Variants in DGKB observed in about 807,000 individuals in gnomAD.
The protein encoded by DGKB is 90 kDa diacylglycerol kinase.
DGKB carries 67 observed loss-of-function variants against 114.3 expected under a neutral mutation model. That is an observed-to-expected ratio of 0.59 (90% CI 0.48 to 0.72). The LOEUF is 0.72. Among genes scored for constraint, DGKB ranks in the 30% least tolerant of loss-of-function variants. The pLI is 0.00. For synonymous variants in DGKB, 398 were observed against 323.1 expected (o/e 1.23, Z -2.49); for missense variants, 907 against 975.2 (o/e 0.93, Z 0.93).
At chr7:14,215,141 G>T (rs535114358) in intron 23 of DGKB, among the ~76,000 whole-genome samples, 10 of 152,300 alleles carry the variant, frequency 6.6e-5, no homozygotes, top group African/African-American at 2.4e-4. Context: ...CTTGAGAAAA[G>T]CATGGACTCT....
chr7:14,958,024 G>GTA (rs1239339287), intron 1 of DGKB, among the ~76,000 whole-genome samples: 1 of 152,002 alleles, frequency 6.6e-6, no homozygotes, highest in East Asian at 1.9e-4. Context: ...TCAGTTTAGG[G>GTA]TAGAATCTGT....
chr7:14,605,976 A>T (rs1804429318), intron 17 of DGKB, among the ~76,000 whole-genome samples: 1 of 152,154 alleles, frequency 6.6e-6, no homozygotes, highest in Admixed American at 6.6e-5. Context: ...TAAGGCTTGT[A>T]ATTAGCAGAG....
chr7:14,166,066 A>T (rs1784567661), intron 25 of DGKB, among the ~76,000 whole-genome samples: 1 of 152,178 alleles, frequency 6.6e-6, no homozygotes, highest in Admixed American at 6.5e-5. Flanking sequence ...TTGGACATTC[A>T]CCTAACCTCA....
chr7:14,543,005 C>A (rs1400654903), intron 20 of DGKB, among the ~76,000 whole-genome samples: 1 of 152,128 alleles, frequency 6.6e-6, no homozygotes, highest in Non-Finnish European at 1.5e-5. Flanking sequence ...AGTGTGTGAG[C>A]TAGTGTTACA....
chr7:14,863,667 T>C (rs905980559), intron 1 of DGKB, among the ~76,000 whole-genome samples: 9 of 152,272 alleles, frequency 5.9e-5, no homozygotes, highest in African/African-American at 1.9e-4. Flanking sequence ...TGGGATATGA[T>C]GAAATGTTTT....
At position 14,682,537 on chromosome 7, in the gene DGKB, T is replaced by C; in HGVS notation, c.1035+16A>G. The C allele has an allele frequency of 6.4e-7, 1 of 1,571,850 alleles. No individual in the cohort carries two copies. Among genetic ancestry groups the C allele is most frequent in the Non-Finnish European group, 8.8e-7 (1 of 1,142,402 alleles). On this transcript the variant is annotated intron_variant, in intron 12 of 25. Coordinates refer to ENST00000402815, the MANE Select transcript of DGKB (RefSeq NM_001350709.2). ...TGTGGGTGAATGCTGGGATTTGTTT[T>C]CCAATTTTTACTCACTGTGATCTGA...
intron 20 of DGKB, among the ~76,000 whole-genome samples, chr7:14,553,239 T>C (rs1355531215): frequency 5.9e-5 from 9 of 152,370 alleles, no homozygotes; most frequent in Non-Finnish European, 7.3e-5. Flanking sequence ...CTTTCCTTTA[T>C]AGTACCCTGT....
chr7:14,158,940 AT>A (rs1049451686), intron 25 of DGKB, among the ~76,000 whole-genome samples: 1 of 151,952 alleles, frequency 6.6e-6, no homozygotes, highest in African/African-American at 2.4e-5. Context: ...ATATCTTGAA[AT>A]TTTTTTCCTT....
chr7:14,906,700 G>T (rs1375119705), upstream of DGKB, among the ~76,000 whole-genome samples: 1 of 151,890 alleles, frequency 6.6e-6, no homozygotes, highest in Non-Finnish European at 1.5e-5. Flanking sequence ...ATCCACCCAC[G>T]TTGGCCTCCC....
chr7:14,404,831 C>T (rs1823684856), intron 21 of DGKB, among the ~76,000 whole-genome samples: 1 of 151,762 alleles, frequency 6.6e-6, no homozygotes, highest in South Asian at 2.1e-4. Flanking sequence ...TTTTCCTTGT[C>T]TTTCGTTGGC....
At chr7:14,643,882 A>T (rs1273460140) in intron 13 of DGKB, among the ~76,000 whole-genome samples, 1 of 152,112 alleles carries the variant, frequency 6.6e-6, no homozygotes, top group African/African-American at 2.4e-5. Flanking sequence ...CAAGCCCAAA[A>T]AACTGACCTC....
intron 1 of DGKB, among the ~76,000 whole-genome samples, chr7:14,922,813 GC>G (rs1289421634): frequency 7.9e-5 from 12 of 152,122 alleles, no homozygotes; most frequent in African/African-American, 2.6e-4. Context: ...ATTGAGTCAA[GC>G]TAAACACCAT....
chr7:14,348,595 A>T (rs1372942459), intron 21 of DGKB, among the ~76,000 whole-genome samples: 1 of 152,000 alleles, frequency 6.6e-6, no homozygotes, highest in African/African-American at 2.4e-5. Context: ...AATGACTAAA[A>T]TTAAAAAAAG....
At chr7:14,736,976 T>C (rs944571603) in intron 4 of DGKB, among the ~76,000 whole-genome samples, 6 of 152,160 alleles carry the variant, frequency 3.9e-5, no homozygotes, top group Admixed American at 3.9e-4. Flanking sequence ...GCACCAGGAT[T>C]TGACTCTGCC....
At chr7:14,803,869 C>T (rs1351965590) in intron 2 of DGKB, among the ~76,000 whole-genome samples, 2 of 152,040 alleles carry the variant, frequency 1.3e-5, no homozygotes, top group East Asian at 3.9e-4. Flanking sequence ...TAACGTAGCT[C>T]AATATCTTTA....
At chr7:14,447,801 C>T (rs1210391974) in intron 21 of DGKB, among the ~76,000 whole-genome samples, 1 of 152,054 alleles carries the variant, frequency 6.6e-6, no homozygotes, top group African/African-American at 2.4e-5. Flanking sequence ...TTCTAAGCTC[C>T]TTTTGTGTAT....
intron 15 of DGKB, among the ~76,000 whole-genome samples, chr7:14,616,786 A>G (rs376400269): frequency 4.0e-4 from 60 of 151,890 alleles, no homozygotes; most frequent in African/African-American, 1.4e-3. Flanking sequence ...TCTTTTCAAA[A>G]CAGTTAAACA....
rs1414159554 is a variant in DGKB at position 14,196,147 on chromosome 7, T to G, written c.2123-17996A>C. On this transcript the variant is annotated intron_variant, in intron 23 of 25. Transcript: ENST00000402815. ...GTCATAGTTTCTGCTTAGAACAGTG[T>G]GTGTATTTAAGGAGTTTTGCTGTTA... Among the ~76,000 whole-genome samples the G allele has an allele frequency of 2.0e-5, 3 of 152,040 alleles. No homozygotes were observed. In the East Asian group the frequency reaches 5.8e-4, roughly 29 times the overall value.
chr7:14,854,102 G>T (rs1849779065), intron 1 of DGKB, among the ~76,000 whole-genome samples: 2 of 151,920 alleles, frequency 1.3e-5, no homozygotes, highest in African/African-American at 4.8e-5. Context: ...TTCCTCATCT[G>T]GCATCTTTTA....
Sources: gnomAD v4.1 joint callset for allele counts (sites outside exome capture counted in the v4.1 genomes callset) on GRCh38, gnomAD v4.1.1 for gene constraint, MANE v1.5 for transcripts, NCBI Gene and HGNC (gene_info 2026-07-23, HGNC 2026-07-21) for gene names.